The following ANXA10 variants were observed in gnomAD, a reference collection of about 807,000 sequenced individuals.
ANXA10 encodes annexin A10.
ANXA10 carries 49 observed loss-of-function variants against 53.5 expected under a neutral mutation model. The observed-to-expected ratio is 0.92, with a 90% CI of 0.73 to 1.16. ANXA10 has a LOEUF of 1.16. Among genes scored for constraint, ANXA10 ranks in the 50% most tolerant of loss-of-function variants. The pLI, the probability that ANXA10 is intolerant of heterozygous loss-of-function variation, is 0.00. For missense variants in ANXA10, 393 were observed against 394.4 expected, an observed-to-expected ratio of 1.00 and a Z score of 0.03; for synonymous variants, 131 against 128.9, an observed-to-expected ratio of 1.02 and a Z score of -0.11.
At chr4:168,109,932 C>T (rs757727894) in intron 1 of ANXA10, among the ~76,000 whole-genome samples, 2 of 152,158 alleles carry the variant, frequency 1.3e-5, no homozygotes, top group Non-Finnish European at 2.9e-5. Context: ...CATGTTAGGC[C>T]GGGCACGGTG....
intron 10 of ANXA10, among the ~76,000 whole-genome samples, chr4:168,182,220 A>C (rs557113397): frequency 3.0e-4 from 46 of 152,066 alleles, no homozygotes; most frequent in Non-Finnish European, 6.3e-4. Flanking sequence ...TAAAGTGATA[A>C]CTAGAAAACC....
At position 168,149,795 on chromosome 4, in the gene ANXA10, T is replaced by C. The variant is rs370919355; in HGVS notation, c.195+10215T>C. ...TTGTTTCAGATTATCAGGGAAAATG[T>C]TCTCCTACTCAAAGCCTAGGCAATG... On this transcript the variant is annotated intron_variant, in intron 3 of 11. Coordinates refer to ENST00000359299, the MANE Select transcript of ANXA10 (RefSeq NM_007193.5). Among the ~76,000 whole-genome samples, 13 of 152,350 alleles carry C rather than the reference T, an allele frequency of 8.5e-5. No homozygotes were observed. In the East Asian group the frequency reaches 1.9e-3, roughly 23 times the overall value.
intron 10 of ANXA10, among the ~76,000 whole-genome samples, chr4:168,184,210 T>G (rs1176735051): frequency 6.6e-6 from 1 of 152,132 alleles, no homozygotes; most frequent in African/African-American, 2.4e-5. Flanking sequence ...TATAATGCAG[T>G]GTGAGTGGGA....
intron 1 of ANXA10, among the ~76,000 whole-genome samples, chr4:168,116,813 T>C (rs17610598): frequency 0.024 from 3,693 of 152,284 alleles, 58 homozygotes; most frequent in Middle Eastern, 0.041. Flanking sequence ...GAAGTAGGGA[T>C]GTGTTTGAGC....
rs746657058 is a variant in ANXA10, at chr4:168,164,257, A to C, written c.369A>C (p.Glu123Asp). 1 of 1,613,186 alleles carries C rather than the reference A, an allele frequency of 6.2e-7. No homozygotes were observed. Among genetic ancestry groups the C allele is most frequent in the South Asian group, 1.1e-5 (1 of 91,028 alleles). The change falls in exon 5 of 12, where the codon GAA becomes GAC. Residue 123 changes from glutamate (E) to aspartate (D), a missense_variant. Transcript: ENST00000359299. ...IEILASRTNG[E>D]IFQMREAYCL... is the part of the protein sequence containing the mutation. ...TACTAGCTTCAAGAACAAATGGAGAAATTTTCCAGATGCGAGAAGCCTACT... is the reference window on the plus strand; with the variant it reads ...TACTAGCTTCAAGAACAAATGGAGACATTTTCCAGATGCGAGAAGCCTACT...
chr4:168,177,865 A>T, intron 7 of ANXA10, 25 bp from the exon 8 acceptor site: 1 of 1,614,058 alleles, frequency 6.2e-7, no homozygotes, highest in Non-Finnish European at 8.5e-7. Flanking sequence ...TTCTGATGCT[A>T]CTTCTCTGCT....
At chr4:168,110,961 G>T (rs1730798138) in intron 1 of ANXA10, among the ~76,000 whole-genome samples, 2 of 152,248 alleles carry the variant, frequency 1.3e-5, no homozygotes, top group South Asian at 4.1e-4. Flanking sequence ...AGAACATACA[G>T]TTCTCTAGAT....
At chr4:168,101,503 G>T in intron 1 of ANXA10, among the ~76,000 whole-genome samples, 1 of 136,300 alleles carries the variant, frequency 7.3e-6, no homozygotes, top group African/African-American at 2.7e-5. Flanking sequence ...TTTTTTTGGG[G>T]GGGAAGGGGA....
intron 6 of ANXA10, among the ~76,000 whole-genome samples, chr4:168,168,881 A>G (rs572565585): frequency 2.0e-5 from 3 of 152,320 alleles, no homozygotes; most frequent in South Asian, 2.1e-4. Flanking sequence ...GCATATATAA[A>G]CAAAGAATTT....
chr4:168,095,164 T>C (rs1036827145), intron 1 of ANXA10, among the ~76,000 whole-genome samples: 1 of 152,060 alleles, frequency 6.6e-6, no homozygotes, highest in Non-Finnish European at 1.5e-5. Context: ...TTTTTATTAA[T>C]ATATAATGTC....
intron 1 of ANXA10, among the ~76,000 whole-genome samples, chr4:168,125,213 A>G (rs1731049268): frequency 6.6e-6 from 1 of 152,224 alleles, no homozygotes; most frequent in South Asian, 2.1e-4. Context: ...GCAACGCTCC[A>G]AAGTTAAGTC....
chr4:168,116,006 A>G (rs1730887014), intron 1 of ANXA10, among the ~76,000 whole-genome samples: 2 of 152,170 alleles, frequency 1.3e-5, no homozygotes, highest in South Asian at 4.1e-4. Context: ...CGTCTAAGGC[A>G]CTGCCCTAGA....
chr4:168,122,130 G>A (rs866078124), intron 1 of ANXA10, among the ~76,000 whole-genome samples: 7 of 152,128 alleles, frequency 4.6e-5, no homozygotes, highest in East Asian at 3.9e-4. Context: ...GTGAGCCACC[G>A]CCCCCGGCCA....
intron 3 of ANXA10, among the ~76,000 whole-genome samples, chr4:168,160,272 TCTC>T (rs1731759699): frequency 6.6e-6 from 1 of 152,056 alleles, no homozygotes; most frequent in Non-Finnish European, 1.5e-5. Context: ...GTCCATGTGT[TCTC>T]ATCATTCAGC....
chr4:168,096,911 C>CATATATATATATATATATATATGTATGT (rs35451323), intron 1 of ANXA10, among the ~76,000 whole-genome samples: 1 of 109,670 alleles, frequency 9.1e-6, no homozygotes, highest in African/African-American at 5.1e-5. Flanking sequence ...AATACAAATG[C>CATATATATATATATATATATATGTATGT]ATATATATAT....
intron 1 of ANXA10, among the ~76,000 whole-genome samples, chr4:168,100,234 G>GT (rs1257988607): frequency 6.6e-6 from 1 of 152,036 alleles, no homozygotes; most frequent in African/African-American, 2.4e-5. Flanking sequence ...ATGTAGACAG[G>GT]TTGAATTTTC....
intron 3 of ANXA10, among the ~76,000 whole-genome samples, chr4:168,158,478 T>C (rs961383588): frequency 6.6e-6 from 1 of 152,212 alleles, no homozygotes; most frequent in East Asian, 1.9e-4. Flanking sequence ...TTATGTATCA[T>C]GTAAGAATTT....
chr4:168,096,895 A>T (rs1730553929), intron 1 of ANXA10, among the ~76,000 whole-genome samples: 1 of 47,614 alleles, frequency 2.1e-5, no homozygotes, highest in African/African-American at 1.3e-4. Context: ...GTTTGTATCC[A>T]TTACTAATAC....
At chr4:168,104,609 A>G (rs539638009) in intron 1 of ANXA10, among the ~76,000 whole-genome samples, 1 of 152,050 alleles carries the variant, frequency 6.6e-6, no homozygotes, top group East Asian at 1.9e-4. Flanking sequence ...TTCTTGAATG[A>G]GTTTGGGTAA....
Sources: allele counts gnomAD v4.1 joint callset (sites outside exome capture counted in the v4.1 genomes callset), GRCh38; gene constraint gnomAD v4.1.1; transcripts MANE v1.5; gene names NCBI Gene and HGNC (gene_info 2026-07-23, HGNC 2026-07-21).